The following PRH1 variants were observed in gnomAD, a reference collection of about 807,000 sequenced individuals.
The protein encoded by PRH1 is proline rich protein HaeIII subfamily 1, also known as salivary acidic proline-rich phosphoprotein 1/2.
Under a neutral mutation model 7.9 loss-of-function variants are expected in PRH1, and 7 were observed. The observed-to-expected ratio is 0.89, with a 90% confidence interval of 0.50 to 1.67. The LOEUF is 1.67. PRH1 is among the 40% of genes most tolerant of loss of function. The pLI, the probability that PRH1 is intolerant of heterozygous loss-of-function variation, is 0.00. For synonymous variants in PRH1, 45 were observed against 80.8 expected (o/e 0.56, Z 2.38); for missense variants, 109 against 223.6 (o/e 0.49, Z 3.27).
intron 1 of PRH1, among the ~76,000 whole-genome samples, chr12:11,149,300 G>T (rs1230139105): frequency 6.6e-6 from 1 of 152,074 alleles, no homozygotes. Flanking sequence ...GTTCTGCTCT[G>T]ATTTTAGTTA....
chr12:11,008,846 T>G (rs947617889), intron 1 of PRH1, among the ~76,000 whole-genome samples: 1 of 152,044 alleles, frequency 6.6e-6, no homozygotes, highest in African/African-American at 2.4e-5. Context: ...TTCATATACA[T>G]TTGCTACAAT....
chr12:10,961,633 T>G (rs989206313), intron 2 of PRH1, among the ~76,000 whole-genome samples: 13 of 152,198 alleles, frequency 8.5e-5, no homozygotes, highest in African/African-American at 3.1e-4. Context: ...CCTACCATCC[T>G]TCCTTGAATG....
intron 1 of PRH1, among the ~76,000 whole-genome samples, chr12:11,039,380 A>G (rs184024177): frequency 2.6e-5 from 4 of 152,386 alleles, no homozygotes; most frequent in African/African-American, 4.8e-5. Context: ...GGAAAATATG[A>G]TAATTTCCAA....
chr12:11,035,006 T>A (rs1441217522), intron 1 of PRH1: 1 of 152,082 alleles, frequency 6.6e-6, no homozygotes, highest in Non-Finnish European at 1.5e-5. Context: ...AAGACATGAA[T>A]CCATTGAACT....
intron 1 of PRH1, among the ~76,000 whole-genome samples, chr12:11,088,202 G>C (rs796762401): frequency 8.6e-6 from 1 of 116,950 alleles, no homozygotes; most frequent in African/African-American, 3.1e-5. Context: ...TTAGCCAGGC[G>C]TGATGTTGTG....
At chr12:11,139,705 T>C (rs77172340) in intron 1 of PRH1, among the ~76,000 whole-genome samples, 1,583 of 152,306 alleles carry the variant, frequency 0.01, 18 homozygotes, top group Non-Finnish European at 0.013. Context: ...ACATTCCAAG[T>C]ACTTCTCAAC....
chr12:10,934,634 T>C (rs1159941325), intron 2 of PRH1, among the ~76,000 whole-genome samples: 3 of 151,968 alleles, frequency 2.0e-5, no homozygotes, highest in Non-Finnish European at 4.4e-5. Flanking sequence ...AAAAAAACTA[T>C]AGGCTCAATA....
In PRH1 at chr12:11,133,887, G is replaced by T. The variant is rs111498087; in HGVS notation, n.40-12707C>A. ...ACACTCTTAACTCTCCTCTTTATGC[G>T]AAGAAAAATAAGGTTGGAGAAATTG... On this transcript the variant is annotated intron_variant and non_coding_transcript_variant, in intron 1 of 1. Transcript: ENST00000541175. 7.4e-6 allele frequency: 12 copies of T among 1,614,078 alleles called. No individual in the cohort carries two copies. In the African/African-American group the frequency reaches 1.1e-4, roughly 14 times the overall value.
At chr12:11,157,807 T>C (rs1216559897) in intron 1 of PRH1, among the ~76,000 whole-genome samples, 2 of 152,150 alleles carry the variant, frequency 1.3e-5, no homozygotes, top group African/African-American at 4.8e-5. Flanking sequence ...AAATGAAATA[T>C]ATGATGATGA....
intron 1 of PRH1, among the ~76,000 whole-genome samples, chr12:11,104,169 CAAATGAAAGAGTAAAAAAAAAAAAAAAA>C (rs1945338801): frequency 9.5e-6 from 1 of 104,968 alleles, no homozygotes; most frequent in Non-Finnish European, 2.0e-5. Context: ...AGATAAGATC[CAAATGAAAGAGTAAAAAAAAAAAAAAAA>C]AAAAAAGGAA....
rs78852426 is a variant in PRH1, at chr12:10,899,262, T to C, written c.-58-14987A>G. The stretch of plus-strand genomic sequence containing the variant: ...CGTGTTAAGAATTGGGGGACTATTG[T>C]TGGGATGGAAAGATTACATTTTTTT... On this transcript the variant is annotated intron_variant, in intron 2 of 3. Transcript: ENST00000539853. Among the ~76,000 whole-genome samples the C allele has an allele frequency of 7.3e-3, 1,028 of 140,770 alleles. 23 individuals are homozygous for C. The highest frequency in any genetic ancestry group is 0.024 in the African/African-American group (995 of 40,714). The allele number at this position is 140,770 out of a possible 152,430, so 92.4% of individuals were successfully genotyped here.
chr12:11,152,087 T>A (rs910467085), intron 1 of PRH1, among the ~76,000 whole-genome samples: 4 of 152,010 alleles, frequency 2.6e-5, no homozygotes, highest in Admixed American at 1.3e-4. Context: ...CTTCTTTTTT[T>A]AATTATTATT....
At chr12:11,107,477 G>T (rs567519641) in intron 1 of PRH1, among the ~76,000 whole-genome samples, 2 of 152,290 alleles carry the variant, frequency 1.3e-5, no homozygotes, top group South Asian at 4.1e-4. Context: ...TTTATAGATT[G>T]CAGTTATATA....
intron 1 of PRH1, among the ~76,000 whole-genome samples, chr12:11,099,483 G>A (rs2600336): frequency 0.46 from 69,185 of 151,938 alleles, 16,565 homozygotes; most frequent in Non-Finnish European, 0.53. Flanking sequence ...CAGATCACGA[G>A]GTCAAGAGAT....
intron 2 of PRH1, among the ~76,000 whole-genome samples, chr12:10,944,956 T>C (rs1314749362): frequency 6.6e-6 from 1 of 152,154 alleles, no homozygotes; most frequent in Non-Finnish European, 1.5e-5. Flanking sequence ...TGGATTCAGT[T>C]TGCAAAGGTT....
At chr12:11,092,155 G>T (rs745982356) in intron 1 of PRH1, 4 of 1,352,522 alleles carry the variant, frequency 3.0e-6, no homozygotes, top group Non-Finnish European at 4.2e-6. Context: ...GTGCTATGAA[G>T]CCATTAGCAA....
rs535972039 is a variant in PRH1, at chr12:10,918,552, G to T, written c.-58-34277C>A. On this transcript the variant is annotated intron_variant, in intron 2 of 3. Coordinates refer to the PRH1 transcript ENST00000539853. Reference sequence around the variant, plus strand: ...CGTAGAAATGGGTGAAGTCCAAAAAGCAGGTTATAATCTATATAAACATTT... The same window carrying T: ...CGTAGAAATGGGTGAAGTCCAAAAATCAGGTTATAATCTATATAAACATTT... Among the ~76,000 whole-genome samples the T allele has an allele frequency of 5.3e-4, 80 of 152,284 alleles. 1 individual carries two copies. In the South Asian group the frequency reaches 0.016, roughly 31 times the overall value.
intron 2 of PRH1, among the ~76,000 whole-genome samples, chr12:10,970,382 T>C (rs1396975815): frequency 6.6e-6 from 1 of 152,184 alleles, no homozygotes; most frequent in African/African-American, 2.4e-5. Flanking sequence ...CCATAATTTA[T>C]TGAAAATTCA....
At chr12:10,998,545 C>G (rs541504589) in intron 1 of PRH1, among the ~76,000 whole-genome samples, 54 of 152,240 alleles carry the variant, frequency 3.5e-4, no homozygotes, top group African/African-American at 1.3e-3. Context: ...CACACAGACA[C>G]ACACACACTT....
Sources: allele counts gnomAD v4.1 joint callset (sites outside exome capture counted in the v4.1 genomes callset), GRCh38; gene constraint gnomAD v4.1.1; transcripts MANE v1.5; gene names NCBI Gene and HGNC (gene_info 2026-07-23, HGNC 2026-07-21).